The following ALDH18A1 variants were observed in gnomAD, a reference collection of about 807,000 sequenced individuals.
ALDH18A1 encodes the protein aldehyde dehydrogenase 18 family member A1.
Under a neutral mutation model 88.8 loss-of-function variants are expected in ALDH18A1, and 44 were observed. The observed-to-expected ratio is 0.50, with a 90% CI of 0.39 to 0.64. The LOEUF (loss-of-function observed/expected upper bound fraction) is 0.64, where lower values mean the gene tolerates loss of function less well. Among genes scored for constraint, ALDH18A1 ranks in the 30% least tolerant of loss-of-function variants. The pLI, the probability that ALDH18A1 is intolerant of heterozygous loss-of-function variation, is 0.00. For missense variants in ALDH18A1, 782 were observed against 1,009.5 expected (o/e 0.77, Z 3.05); for synonymous variants, 331 against 372.1 (o/e 0.89, Z 1.27).
chr10:95,643,513 TAA>T (rs1199226181), intron 2 of ALDH18A1, among the ~76,000 whole-genome samples: 1 of 152,156 alleles, frequency 6.6e-6, no homozygotes, highest in African/African-American at 2.4e-5. Context: ...AAAAGTTCTC[TAA>T]AAAAGAGATT....
At chr10:95,644,015 C>T (rs1160923402) in intron 2 of ALDH18A1, among the ~76,000 whole-genome samples, 2 of 152,118 alleles carry the variant, frequency 1.3e-5, no homozygotes, top group African/African-American at 4.8e-5. Context: ...TGGTGGTGGG[C>T]ACCTATAATC....
chr10:95,611,973 GA>G lies in ALDH18A1; in HGVS notation c.1924-532del, dbSNP rs36116345. Among the ~76,000 whole-genome samples, 12 of 148,404 alleles carry G rather than the reference GA, an allele frequency of 8.1e-5. No individual in the cohort carries two copies. The East Asian group carries it at 2.4e-3, about 30-fold the overall frequency. ...GCACAGAGCAAGACTCCGTCTCAAA[GA>G]AAAAAAAAAGAATAAAAAAGAATGT... is the stretch of plus-strand genomic sequence containing the variant. On this transcript the variant is annotated intron_variant, in intron 15 of 17. Transcript: ENST00000371224.
Position 95,653,574 on chromosome 10 carries a change from G to GT in ALDH18A1, c.-28-170dup, listed in dbSNP as rs2097913671. On this transcript the variant is annotated intron_variant, in intron 1 of 17. Coordinates refer to ENST00000371224, the MANE Select transcript of ALDH18A1 (RefSeq NM_002860.4). ...CTATATTATAGAAAAGAGAGAAAAA[G>GT]TAAGTGGCTCCTTTCTAGGCCTCAA... Among the ~76,000 whole-genome samples, 10 of 152,186 alleles carry GT rather than the reference G, an allele frequency of 6.6e-5. No individual in the cohort carries two copies. In the South Asian group the frequency reaches 2.1e-3, roughly 32 times the overall value.
intron 12 of ALDH18A1, among the ~76,000 whole-genome samples, chr10:95,618,743 A>G (rs1348279689): frequency 6.6e-6 from 1 of 152,234 alleles, no homozygotes; most frequent in Non-Finnish European, 1.5e-5. Flanking sequence ...TTATTCATGA[A>G]TGACAGCAGC....
At chr10:95,632,878 A>G in intron 7 of ALDH18A1, 81 bp downstream of exon 7, 1 of 1,263,894 alleles carries the variant, frequency 7.9e-7, no homozygotes, top group African/African-American at 1.5e-5. Context: ...GAGGGACTCA[A>G]AGAAAGAGGG....
intron 7 of ALDH18A1, among the ~76,000 whole-genome samples, chr10:95,632,692 G>A (rs191708296): frequency 6.6e-6 from 1 of 152,300 alleles, no homozygotes; most frequent in East Asian, 1.9e-4. Flanking sequence ...TAAGTGAATT[G>A]TATGGTATGT....
intron 3 of ALDH18A1, among the ~76,000 whole-genome samples, chr10:95,638,302 C>T (rs938907283): frequency 1.3e-5 from 2 of 152,212 alleles, no homozygotes; most frequent in African/African-American, 2.4e-5. Context: ...GGATTACAGA[C>T]ATGAGCCACC....
chr10:95,636,985 C>T lies in ALDH18A1; in HGVS notation c.558+108G>A. On this transcript the variant is annotated intron_variant, in intron 5 of 17. Coordinates refer to ENST00000371224, the MANE Select transcript of ALDH18A1 (RefSeq NM_002860.4). ...GAAACTTTCTTCAGATCTCAAGTAG[C>T]AAGTGATGAAGCTGACACCATATTC... The T allele has an allele frequency of 2.9e-6, 3 of 1,017,832 alleles. No individual in the cohort carries two copies. The Admixed American group carries it at 6.0e-5, about 20-fold the overall frequency. The allele number at this position is 1,017,832 out of a possible 1,614,324, so 63.1% of individuals were successfully genotyped here.
At chr10:95,644,845 T>C (rs1175871973) in intron 2 of ALDH18A1, among the ~76,000 whole-genome samples, 3 of 152,224 alleles carry the variant, frequency 2.0e-5, no homozygotes, top group African/African-American at 4.8e-5. Context: ...AGCTCATTCA[T>C]TCATTTTGGA....
At position 95,633,158 on chromosome 10, in the gene ALDH18A1, A is replaced by G. The variant is rs2139608461; in HGVS notation, c.718-109T>C. ...CAAAACCAAGCTAGGATCAGGCAAA[A>G]CCAATGAACCCAAATATGTAGATGA... On this transcript the variant is annotated intron_variant, in intron 6 of 17. Transcript: ENST00000371224. 3 of 964,558 alleles carry G rather than the reference A, an allele frequency of 3.1e-6. No individual in the cohort carries two copies. The East Asian group carries it at 7.6e-5, about 24-fold the overall frequency. The allele number at this position is 964,558 out of a possible 1,614,324, so 59.7% of individuals were successfully genotyped here.
intron 12 of ALDH18A1, among the ~76,000 whole-genome samples, chr10:95,618,323 AT>A (rs1453123440): frequency 6.6e-6 from 1 of 152,094 alleles, no homozygotes; most frequent in Non-Finnish European, 1.5e-5. Context: ...AGAGGGTTGC[AT>A]TCTTTTCTCT....
chr10:95,639,207 T>C (rs559507912), intron 3 of ALDH18A1, among the ~76,000 whole-genome samples: 82 of 152,220 alleles, frequency 5.4e-4, no homozygotes, highest in Admixed American at 1.2e-3. Flanking sequence ...AGCATGTGCC[T>C]GTAGTCCCAG....
chr10:95,646,480 T>C (rs916904741), intron 2 of ALDH18A1, among the ~76,000 whole-genome samples: 1 of 152,124 alleles, frequency 6.6e-6, no homozygotes, highest in African/African-American at 2.4e-5. Context: ...TTTCATGCAG[T>C]TGACTCAGTC....
At chr10:95,640,343 C>A (rs920947776) in intron 3 of ALDH18A1, among the ~76,000 whole-genome samples, 22 of 127,264 alleles carry the variant, frequency 1.7e-4, no homozygotes, top group African/African-American at 5.7e-4. Context: ...CAGTGATTCC[C>A]TTTTTTCTTT....
At chr10:95,653,088 T>C (rs941554628) in intron 2 of ALDH18A1, among the ~76,000 whole-genome samples, 7 of 151,824 alleles carry the variant, frequency 4.6e-5, no homozygotes, top group Non-Finnish European at 8.8e-5. Flanking sequence ...CTTGGTGGGC[T>C]GAGGCAGGAG....
chr10:95,633,264 C>T (rs2097874138), intron 6 of ALDH18A1, among the ~76,000 whole-genome samples: 1 of 152,222 alleles, frequency 6.6e-6, no homozygotes, highest in Admixed American at 6.5e-5. Flanking sequence ...CTTCTAGCCA[C>T]TGAAATATAC....
chr10:95,626,846 A>G, intron 9 of ALDH18A1, 70 bp from the exon 10 acceptor site: 1 of 1,512,090 alleles, frequency 6.6e-7, no homozygotes, highest in Middle Eastern at 1.8e-4. Context: ...TACTAGAGAG[A>G]GAACTACCAG....
intron 7 of ALDH18A1, chr10:95,628,810 C>G: frequency 2.7e-6 from 1 of 376,792 alleles, no homozygotes; most frequent in Admixed American, 3.8e-5. Flanking sequence ...TCTGCCATTG[C>G]TACTTATGAT....
Position 95,637,182 on chromosome 10 carries a change from C to T in ALDH18A1, c.469G>A (p.Glu157Lys), listed in dbSNP as rs531447908. 1 of 1,614,180 alleles carries T rather than the reference C, an allele frequency of 6.2e-7. No homozygotes were observed. Among genetic ancestry groups the T allele is most frequent in the East Asian group, 2.2e-5 (1 of 44,886 alleles). The change falls in exon 5 of 18, where the codon GAG (glutamate) becomes AAG (lysine). Residue 157 changes from glutamate to lysine, a missense_variant. Glu to Lys is a moderately conservative substitution (Grantham distance 56). Coordinates refer to ENST00000371224, the MANE Select transcript of ALDH18A1 (RefSeq NM_002860.4). ...CCGGCAGCTGCACAGGCTCGTGCCT[C>T]TAAGACTGGAATTGCCTGTAATATA... ...QLKEMAIPVL[E>K]ARACAAAGQS...
Sources: gnomAD v4.1 joint callset for allele counts (sites outside exome capture counted in the v4.1 genomes callset) on GRCh38, gnomAD v4.1.1 for gene constraint, MANE v1.5 for transcripts, NCBI Gene and HGNC (gene_info 2026-07-23, HGNC 2026-07-21) for gene names.